The following SLC4A5 variants were observed in gnomAD, a reference collection of about 807,000 sequenced individuals.
The protein encoded by SLC4A5 is solute carrier family 4 member 5, also known as electrogenic sodium bicarbonate cotransporter 4.
Under a neutral mutation model 120.4 loss-of-function variants are expected in SLC4A5, and 96 were observed. That is an observed-to-expected ratio of 0.80 (90% CI 0.68 to 0.94). SLC4A5 has a LOEUF of 0.94. Ranked by LOEUF, SLC4A5 falls within the 40% of genes least tolerant of loss-of-function variation. SLC4A5 has a pLI of 0.00. For synonymous variants in SLC4A5, 550 were observed against 571.1 expected (o/e 0.96, Z 0.53); for missense variants, 1,259 against 1,459.5 (o/e 0.86, Z 2.24).
intron 6 of SLC4A5, among the ~76,000 whole-genome samples, chr2:74,309,790 G>A (rs1403218880): frequency 6.6e-6 from 1 of 151,654 alleles, no homozygotes; most frequent in Non-Finnish European, 1.5e-5. Flanking sequence ...TGAGTAACTG[G>A]GACTACAGGT....
intron 8 of SLC4A5, among the ~76,000 whole-genome samples, chr2:74,275,749 T>G (rs543605217): frequency 1.3e-5 from 2 of 152,384 alleles, no homozygotes; most frequent in South Asian, 4.1e-4. Flanking sequence ...CCAGGCACTA[T>G]GCTAAGCACT....
At chr2:74,342,814 A>G (rs2104364730) in intron 1 of SLC4A5, among the ~76,000 whole-genome samples, 1 of 152,300 alleles carries the variant, frequency 6.6e-6, no homozygotes, top group South Asian at 2.1e-4. Context: ...TGGGCCAGAA[A>G]GCTTAGTTGA....
At chr2:74,288,186 G>C (rs1672044943) in intron 7 of SLC4A5, among the ~76,000 whole-genome samples, 1 of 152,166 alleles carries the variant, frequency 6.6e-6, no homozygotes. Context: ...TGAAAAGTCA[G>C]ATGTTCTGAT....
intron 5 of SLC4A5, among the ~76,000 whole-genome samples, chr2:74,319,246 G>A (rs1207111704): frequency 6.6e-6 from 1 of 152,152 alleles, no homozygotes; most frequent in African/African-American, 2.4e-5. Flanking sequence ...GGGTTGAAAA[G>A]TGACCTATTG....
intron 12 of SLC4A5, among the ~76,000 whole-genome samples, chr2:74,258,329 G>A (rs1476791072): frequency 6.6e-6 from 1 of 152,232 alleles, no homozygotes; most frequent in East Asian, 1.9e-4. Flanking sequence ...TATCAGCAAG[G>A]AGAACCAGAT....
At chr2:74,282,475 C>G (rs571556187) in intron 8 of SLC4A5, among the ~76,000 whole-genome samples, 2 of 152,208 alleles carry the variant, frequency 1.3e-5, no homozygotes, top group Non-Finnish European at 2.9e-5. Context: ...CTTCCAGGAC[C>G]TCCTCAGATG....
intron 25 of SLC4A5, 27 bp downstream of exon 25, chr2:74,231,209 G>GC: frequency 6.3e-7 from 1 of 1,596,496 alleles, no homozygotes; most frequent in Non-Finnish European, 8.6e-7. Context: ...AGGCAACGAG[G>GC]CCCTAGGTGA....
At chr2:74,251,116 T>C (rs1457217703) in intron 16 of SLC4A5, among the ~76,000 whole-genome samples, 2 of 152,174 alleles carry the variant, frequency 1.3e-5, no homozygotes, top group Non-Finnish European at 2.9e-5. Flanking sequence ...GCTGATATTT[T>C]GGACTGGATA....
Position 74,290,622 on chromosome 2 carries a change from T to A in SLC4A5, c.272-4720A>T, listed in dbSNP as rs75686815. 2.7e-4 allele frequency: 241 copies of A among 885,658 alleles called. No homozygotes were observed. In the African/African-American group the frequency reaches 3.5e-3, roughly 13 times the overall value. The allele number at this position is 885,658 out of a possible 1,614,324, so 54.9% of individuals were successfully genotyped here. A position where few individuals can be genotyped will look rare whatever the true frequency, so the allele number is the denominator to read the frequency against. ...AGAGACAGAGAGAGAGACAGAGAAGTGAGAGAGAGAGAGAGAGAGAGAGAG... is the reference window on the plus strand; with the variant it reads ...AGAGACAGAGAGAGAGACAGAGAAGAGAGAGAGAGAGAGAGAGAGAGAGAG... On this transcript the variant is annotated intron_variant, in intron 7 of 30. Coordinates refer to ENST00000394019, the Ensembl canonical transcript of SLC4A5.
chr2:74,308,445 G>A (rs1372459104), intron 6 of SLC4A5, among the ~76,000 whole-genome samples: 1 of 152,106 alleles, frequency 6.6e-6, no homozygotes, highest in Non-Finnish European at 1.5e-5. Flanking sequence ...GGATCTTATT[G>A]TTTTAATTTT....
At chr2:74,225,741 T>C (rs1573001531) in intron 27 of SLC4A5, among the ~76,000 whole-genome samples, 3 of 152,224 alleles carry the variant, frequency 2.0e-5, no homozygotes, top group Admixed American at 2.0e-4. Flanking sequence ...AATTTATGTC[T>C]CTAACCACTC....
chr2:74,307,322 C>G, intron 6 of SLC4A5: 1 of 571,846 alleles, frequency 1.7e-6, no homozygotes, highest in Admixed American at 2.1e-5. Flanking sequence ...CCATGGTCAA[C>G]CCAGAGCTGG....
intron 6 of SLC4A5, among the ~76,000 whole-genome samples, chr2:74,306,316 G>A (rs1291501914): frequency 6.6e-6 from 1 of 152,080 alleles, no homozygotes; most frequent in Non-Finnish European, 1.5e-5. Flanking sequence ...GTTAGCCCCA[G>A]GATAACTGCC....
At chr2:74,303,407 T>C (rs1282150481) in intron 7 of SLC4A5, among the ~76,000 whole-genome samples, 1 of 152,076 alleles carries the variant, frequency 6.6e-6, no homozygotes, top group Non-Finnish European at 1.5e-5. Flanking sequence ...ATAAACCAAC[T>C]TTTCCACACT....
At chr2:74,331,905 T>C (rs1402580856) in intron 4 of SLC4A5, among the ~76,000 whole-genome samples, 1 of 152,140 alleles carries the variant, frequency 6.6e-6, no homozygotes, top group East Asian at 1.9e-4. Flanking sequence ...TTCCTCCTTC[T>C]GGGAACAGCC....
intron 4 of SLC4A5, among the ~76,000 whole-genome samples, chr2:74,330,540 TATGGTGTAAGTGTAG>T (rs1673331550): frequency 1.4e-5 from 2 of 140,948 alleles, no homozygotes; most frequent in Non-Finnish European, 3.1e-5. Flanking sequence ...GATGGAGGTG[TATGGTGTAAGTGTAG>T]GTGGTGAGGT....
intron 5 of SLC4A5, among the ~76,000 whole-genome samples, chr2:74,316,270 T>C (rs564431354): frequency 4.9e-5 from 6 of 123,636 alleles, no homozygotes; most frequent in Non-Finnish European, 9.4e-5. Flanking sequence ...GACACCACAA[T>C]CAGTCATGTA....
intron 4 of SLC4A5, among the ~76,000 whole-genome samples, chr2:74,332,137 A>G (rs1030207884): frequency 2.6e-5 from 4 of 152,164 alleles, no homozygotes; most frequent in Admixed American, 2.0e-4. Context: ...CTGGACTTCT[A>G]TATCTTATTT....
intron 7 of SLC4A5, among the ~76,000 whole-genome samples, chr2:74,300,518 T>C (rs1036366105): frequency 1.3e-5 from 2 of 152,256 alleles, no homozygotes; most frequent in African/African-American, 4.8e-5. Flanking sequence ...TCCTTTTCCT[T>C]AATTCTCCCA....
Sources: gnomAD v4.1 joint callset for allele counts (sites outside exome capture counted in the v4.1 genomes callset) on GRCh38, gnomAD v4.1.1 for gene constraint, MANE v1.5 for transcripts, NCBI Gene and HGNC (gene_info 2026-07-23, HGNC 2026-07-21) for gene names.